Variants in MTUS2 observed in about 807,000 individuals in gnomAD.
MTUS2 encodes microtubule associated scaffold protein 2.
In MTUS2, 40 loss-of-function variants were observed where a neutral mutation model predicts 114.1. That is an observed-to-expected ratio of 0.35 (90% confidence interval 0.27 to 0.46). MTUS2 has a LOEUF of 0.46. MTUS2 is among the 20% of genes least tolerant of loss of function. The pLI is 1.00. For missense variants in MTUS2, 1,679 were observed against 1,705.4 expected, an observed-to-expected ratio of 0.98 and a Z score of 0.27; for synonymous variants, 688 against 672.0, an observed-to-expected ratio of 1.02 and a Z score of -0.37.
At chr13:29,502,519 G>A (rs1379874639) in intron 15 of MTUS2, among the ~76,000 whole-genome samples, 9 of 152,234 alleles carry the variant, frequency 5.9e-5, no homozygotes, top group Admixed American at 5.9e-4. Context: ...ACCTGCCATC[G>A]TGGAGGCACA....
intron 5 of MTUS2, among the ~76,000 whole-genome samples, chr13:29,148,401 C>G (rs1892525898): frequency 6.0e-3 from 1 of 168 alleles, no homozygotes; most frequent in Non-Finnish European, 0.05. Context: ...GTGTTGTTGC[C>G]CCCCCATGTG....
At chr13:28,909,051 C>G (rs1284703437) in intron 2 of MTUS2, among the ~76,000 whole-genome samples, 2 of 151,360 alleles carry the variant, frequency 1.3e-5, no homozygotes, top group East Asian at 3.9e-4. Context: ...TGGTCTATAT[C>G]TCTGTTTTGG....
chr13:29,037,841 T>C (rs1448932152), intron 4 of MTUS2, among the ~76,000 whole-genome samples: 5 of 152,224 alleles, frequency 3.3e-5, no homozygotes, highest in Non-Finnish European at 5.9e-5. Context: ...GAAGTTTTCA[T>C]GCTGTGTTTT....
chr13:29,249,594 G>A (rs569679342), intron 5 of MTUS2, among the ~76,000 whole-genome samples: 2 of 151,898 alleles, frequency 1.3e-5, no homozygotes, highest in Non-Finnish European at 2.9e-5. Context: ...GTTTGTTGGC[G>A]GCATAAATGT....
chr13:29,027,128 A>G (rs970477618), intron 3 of MTUS2, among the ~76,000 whole-genome samples: 1 of 152,228 alleles, frequency 6.6e-6, no homozygotes, highest in Non-Finnish European at 1.5e-5. Context: ...CCCAATATCT[A>G]AGGAGACCCA....
At chr13:29,279,878 T>C (rs1225725791) in intron 5 of MTUS2, among the ~76,000 whole-genome samples, 3 of 152,230 alleles carry the variant, frequency 2.0e-5, no homozygotes, top group African/African-American at 7.2e-5. Flanking sequence ...CTACAGATGA[T>C]ACAAAATATT....
At chr13:29,492,055 TGGTA>T (rs1405543526) in intron 11 of MTUS2, among the ~76,000 whole-genome samples, 1 of 147,048 alleles carries the variant, frequency 6.8e-6, no homozygotes, top group Non-Finnish European at 1.5e-5. Context: ...GTGATGTGTG[TGGTA>T]GGTGTGTATG....
At position 28,995,183 on chromosome 13, in the gene MTUS2, C is replaced by T. The variant is rs981265680; in HGVS notation, c.-242-29274C>T. On this transcript the variant is annotated intron_variant, in intron 2 of 15. Coordinates refer to ENST00000612955, the MANE Select transcript of MTUS2 (RefSeq NM_001033602.4). ...ATCATTTCCCCATTTCTTGTTTTTG[C>T]CAGGTTTGTCAAAGATCAGATAGTT... is the stretch of plus-strand genomic sequence containing the variant. Among the ~76,000 whole-genome samples the T allele has an allele frequency of 4.6e-5, 7 of 152,214 alleles. No individual in the cohort carries two copies. The East Asian group carries it at 5.8e-4, about 13-fold the overall frequency.
chr13:29,435,191 A>G (rs1877316506), intron 8 of MTUS2, among the ~76,000 whole-genome samples: 1 of 152,230 alleles, frequency 6.6e-6, no homozygotes, highest in African/African-American at 2.4e-5. Context: ...GTCAGTTTCC[A>G]GTGAAGCCTG....
intron 5 of MTUS2, among the ~76,000 whole-genome samples, chr13:29,186,361 T>A (rs577850789): frequency 6.6e-5 from 10 of 152,224 alleles, no homozygotes; most frequent in African/African-American, 1.9e-4. Flanking sequence ...AACTGTATGC[T>A]ATCTATAAGA....
intron 8 of MTUS2, among the ~76,000 whole-genome samples, chr13:29,365,933 T>C (rs1870673641): frequency 6.6e-6 from 1 of 152,184 alleles, no homozygotes; most frequent in South Asian, 2.1e-4. Context: ...CAAGAGGAGA[T>C]ATGGTTTTCT....
At position 28,923,954 on chromosome 13, in the gene MTUS2, T is replaced by C. The variant is rs1312942134; in HGVS notation, c.-243+84104T>C. On this transcript the variant is annotated intron_variant, in intron 2 of 15. Coordinates refer to ENST00000612955, the MANE Select transcript of MTUS2 (RefSeq NM_001033602.4). ...TTCTCCACCCTCCCCACCGTGATTC[T>C]CAGTGGAGGTTAATACTTTTTCCCA... Among the ~76,000 whole-genome samples the C allele has an allele frequency of 3.3e-5, 5 of 152,250 alleles. No individual in the cohort carries two copies. In the South Asian group the frequency reaches 1.0e-3, roughly 32 times the overall value.
At chr13:29,066,569 T>C (rs1000637678) in intron 4 of MTUS2, among the ~76,000 whole-genome samples, 3 of 152,216 alleles carry the variant, frequency 2.0e-5, no homozygotes, top group Non-Finnish European at 4.4e-5. Context: ...TCACTACAAC[T>C]CTTTTTACAA....
chr13:29,276,544 AT>A (rs1053585844), intron 5 of MTUS2, among the ~76,000 whole-genome samples: 3 of 152,160 alleles, frequency 2.0e-5, no homozygotes, highest in Non-Finnish European at 4.4e-5. Flanking sequence ...TCCCGCTGGC[AT>A]GGGCACAGGA....
intron 2 of MTUS2, among the ~76,000 whole-genome samples, chr13:28,899,642 T>C (rs531175379): frequency 1.4e-3 from 213 of 152,128 alleles, no homozygotes; most frequent in African/African-American, 4.4e-3. Context: ...GATCTCCTGA[T>C]CTTGTGATCT....
intron 6 of MTUS2, among the ~76,000 whole-genome samples, chr13:29,294,230 T>G (rs1285818640): frequency 1.3e-5 from 2 of 152,162 alleles, no homozygotes; most frequent in East Asian, 3.8e-4. Flanking sequence ...TGGGTATGAT[T>G]TTTTTCATAC....
intron 2 of MTUS2, among the ~76,000 whole-genome samples, chr13:28,883,895 G>GT (rs1878438127): frequency 6.6e-6 from 1 of 152,200 alleles, no homozygotes; most frequent in Admixed American, 6.5e-5. Context: ...AATAAAAAGT[G>GT]TTGGTGAGGA....
chr13:29,121,953 C>A (rs1371722383), intron 5 of MTUS2, among the ~76,000 whole-genome samples: 4 of 152,152 alleles, frequency 2.6e-5, no homozygotes, highest in Non-Finnish European at 5.9e-5. Context: ...AGCCACCACA[C>A]CCGGCCCACT....
At chr13:29,312,022 A>G (rs1899789411) in intron 6 of MTUS2, among the ~76,000 whole-genome samples, 2 of 152,090 alleles carry the variant, frequency 1.3e-5, no homozygotes, top group East Asian at 3.9e-4. Context: ...TCACTCCGGT[A>G]CCTTTGCACG....
Sources: gnomAD v4.1 joint callset for allele counts (sites outside exome capture counted in the v4.1 genomes callset) on GRCh38, gnomAD v4.1.1 for gene constraint, MANE v1.5 for transcripts, NCBI Gene and HGNC (gene_info 2026-07-23, HGNC 2026-07-21) for gene names.